The following MYO16 variants were observed in gnomAD, a reference collection of about 807,000 sequenced individuals.
MYO16 encodes the protein unconventional myosin-XVI.
In MYO16, 94 loss-of-function variants were observed where a neutral mutation model predicts 205.3. That is an observed-to-expected ratio of 0.46 (90% CI 0.39 to 0.54). The LOEUF is 0.54. MYO16 is among the 20% of genes least tolerant of loss of function. MYO16 has a pLI of 0.00. For missense variants in MYO16, 2,315 were observed against 2,387.5 expected (o/e 0.97, Z 0.63); for synonymous variants, 988 against 954.0 (o/e 1.04, Z -0.66).
At chr13:108,609,951 C>T (rs1405351021) in intron 1 of MYO16, among the ~76,000 whole-genome samples, 1 of 151,982 alleles carries the variant, frequency 6.6e-6, no homozygotes. Context: ...GGGAGGAAAA[C>T]ACTGGGCCCA....
intron 16 of MYO16, among the ~76,000 whole-genome samples, chr13:108,946,298 G>A (rs541273173): frequency 1.6e-4 from 24 of 151,850 alleles, no homozygotes; most frequent in African/African-American, 5.1e-4. Context: ...AAAAAAAAAA[G>A]GGGGTTTGAC....
chr13:109,070,319 C>T (rs558160100), intron 27 of MYO16, among the ~76,000 whole-genome samples: 114 of 152,296 alleles, frequency 7.5e-4, no homozygotes, highest in East Asian at 2.9e-3. Flanking sequence ...GAAGGCCTTC[C>T]ACTGTATGCC....
In MYO16 at chr13:109,113,259, A is replaced by G. The variant is rs750375368; in HGVS notation, c.3439-7111A>G. Reference sequence around the variant, plus strand: ...TTATTAAGAGGCTAGATATCAGGCTAAGTGTTCTTACCGCAAATTTTAGAG... The same window carrying G: ...TTATTAAGAGGCTAGATATCAGGCTGAGTGTTCTTACCGCAAATTTTAGAG... On this transcript the variant is annotated intron_variant, in intron 28 of 34. Coordinates refer to ENST00000457511, the MANE Select transcript of MYO16 (RefSeq NM_001198950.3). Among the ~76,000 whole-genome samples, 5 of 151,420 alleles carry G rather than the reference A, an allele frequency of 3.3e-5. 1 individual carries two copies. In the East Asian group the frequency reaches 9.8e-4, roughly 30 times the overall value.
chr13:108,516,495 C>T, the MYO16 span, among the ~76,000 whole-genome samples: 3 of 152,090 alleles, frequency 2.0e-5, no homozygotes, highest in South Asian at 2.1e-4. Context: ...CATCTTGGCT[C>T]GGGAAGTGAT....
intron 9 of MYO16, among the ~76,000 whole-genome samples, chr13:108,827,051 G>C (rs1192296302): frequency 1.3e-5 from 2 of 152,008 alleles, no homozygotes; most frequent in East Asian, 1.9e-4. Context: ...TTATCTCCCA[G>C]ATAATGAAAA....
At chr13:108,869,726 G>T (rs1185003203) in intron 12 of MYO16, among the ~76,000 whole-genome samples, 3 of 68,558 alleles carry the variant, frequency 4.4e-5, no homozygotes, top group African/African-American at 1.9e-4. Flanking sequence ...GCGAGACTCC[G>T]TTTCTAAAAA....
chr13:109,080,031 A>G (rs193254774), intron 27 of MYO16, among the ~76,000 whole-genome samples: 4 of 151,950 alleles, frequency 2.6e-5, no homozygotes, highest in South Asian at 4.2e-4. Flanking sequence ...GCCTGCCACC[A>G]CAGCCAGCAA....
At chr13:109,011,498 C>CTTTTTTTTTTTTTT (rs34575828) in intron 22 of MYO16, among the ~76,000 whole-genome samples, 27 of 129,922 alleles carry the variant, frequency 2.1e-4, no homozygotes, top group Non-Finnish European at 2.9e-4. Context: ...TTCTTCCTTT[C>CTTTTTTTTTTTTTT]TTTTTTTTTT....
In MYO16 at chr13:108,890,219, C is replaced by T. The variant is rs1880106265; in HGVS notation, c.1659+1742C>T. On this transcript the variant is annotated intron_variant, in intron 14 of 34. Transcript: ENST00000457511. ...TCAGCCTCCCAAAGTGCTAGGATTA[C>T]AGGCGTGAACCACTGCATCGTACTA... Among the ~76,000 whole-genome samples, 3 of 144,690 alleles carry T rather than the reference C, an allele frequency of 2.1e-5. No homozygotes were observed. The Admixed American group carries it at 2.2e-4, about 11-fold the overall frequency. The allele number at this position is 144,690 out of a possible 152,430, so 94.9% of individuals were successfully genotyped here. A position where few individuals can be genotyped will look rare whatever the true frequency, so the allele number is the denominator to read the frequency against.
At chr13:108,532,712 A>G in the MYO16 span, among the ~76,000 whole-genome samples, 1 of 151,888 alleles carries the variant, frequency 6.6e-6, no homozygotes, top group Non-Finnish European at 1.5e-5. Context: ...CATCACTTAA[A>G]CCTGGGAGGT....
chr13:108,606,960 T>C (rs1015329272), intron 1 of MYO16, among the ~76,000 whole-genome samples: 15 of 152,268 alleles, frequency 9.9e-5, no homozygotes, highest in African/African-American at 3.6e-4. Flanking sequence ...TCAAAGGAGA[T>C]CGTTTTGTAA....
At chr13:109,179,486 C>A (rs1879362638) in intron 33 of MYO16, 56 bp from the exon 34 acceptor site, 2 of 1,125,644 alleles carry the variant, frequency 1.8e-6, no homozygotes, top group Non-Finnish European at 2.7e-6. Flanking sequence ...GCATGACTTA[C>A]TTTATTTGGA....
In MYO16 at chr13:109,141,213, G is replaced by A; in HGVS notation, c.5001G>A (p.Ala1667=). ...ATTCCCCCGTGAAGGCCACCAGGGC[G>A]GACGCCAGGAAGGCCGGCTCCAGTG... ...IPYSPVKATR[A]DARKAGSSAS... The change falls in exon 32 of 35, where the codon GCG becomes GCA. Residue 1667 remains alanine, a synonymous_variant. Transcript: ENST00000457511. The surrounding 1 kb of genome is among the most constrained non-coding windows in gnomAD (Gnocchi z 4.1). 1.2e-6 allele frequency: 2 copies of A among 1,606,556 alleles called. No homozygotes were observed. Among genetic ancestry groups the A allele is most frequent in the Non-Finnish European group, 8.5e-7 (1 of 1,176,420 alleles).
At chr13:108,613,634 CAT>C (rs1367781435) in intron 1 of MYO16, among the ~76,000 whole-genome samples, 1 of 152,094 alleles carries the variant, frequency 6.6e-6, no homozygotes, top group Non-Finnish European at 1.5e-5. Flanking sequence ...TATGCAGAAA[CAT>C]ATAGAAAGAT....
intron 27 of MYO16, among the ~76,000 whole-genome samples, chr13:109,098,883 T>C (rs961684440): frequency 1.4e-4 from 22 of 152,290 alleles, no homozygotes; most frequent in African/African-American, 5.1e-4. Context: ...GAGAAAATAA[T>C]ACTTTGAAAC....
At chr13:108,710,909 T>C (rs1244001289) in intron 2 of MYO16, among the ~76,000 whole-genome samples, 1 of 152,218 alleles carries the variant, frequency 6.6e-6, no homozygotes, top group Non-Finnish European at 1.5e-5. Context: ...GATAATTTCA[T>C]TTGCTAAAAG....
intron 32 of MYO16, among the ~76,000 whole-genome samples, chr13:109,146,712 G>A (rs983730287): frequency 4.6e-5 from 7 of 152,070 alleles, no homozygotes; most frequent in Non-Finnish European, 8.8e-5. Context: ...TGGGCAGATC[G>A]CTTGAGCCTG....
rs1881185857 is a variant in MYO16, at chr13:108,910,107, G to A, written c.1882G>A (p.Glu628Lys). 6.2e-7 allele frequency: 1 copy of A among 1,613,390 alleles called. No homozygotes were observed. Among genetic ancestry groups the A allele is most frequent in the South Asian group, 1.1e-5 (1 of 91,054 alleles). ...FYLLMDGLSA[E>K]EKYGLHLNNL... ...CTTGTTGATGGATGGGTTATCTGCT[G>A]AAGAAAAATATGGACTTCATCTTAA... The change falls in exon 16 of 35, where the codon GAA becomes AAA. Residue 628 changes from glutamate (E) to lysine (K), a missense_variant. This residue lies in a region of MYO16 where 1,213 missense variants were observed against 1,274.4 expected (regional missense o/e 0.95). Transcript: ENST00000457511.
At chr13:108,556,464 A>G in the MYO16 span, among the ~76,000 whole-genome samples, 1 of 152,068 alleles carries the variant, frequency 6.6e-6, no homozygotes, top group Admixed American at 6.5e-5. Context: ...TCCTTTGCCC[A>G]TTTTAAACCA....
Sources: gnomAD v4.1 joint callset for allele counts (sites outside exome capture counted in the v4.1 genomes callset) on GRCh38, gnomAD v4.1.1 for gene constraint, gnomAD v4.1.1 regional missense constraint, Gnocchi (gnomAD v3.1) non-coding constraint, MANE v1.5 for transcripts, NCBI Gene and HGNC (gene_info 2026-07-23, HGNC 2026-07-21) for gene names.